The following SNTG1 variants were observed in gnomAD, a reference collection of about 807,000 sequenced individuals.
SNTG1 encodes the protein syntrophin gamma 1.
In SNTG1, 39 loss-of-function variants were observed where a neutral mutation model predicts 74.7. That is an observed-to-expected ratio of 0.52 (90% CI 0.40 to 0.68). SNTG1 has a LOEUF of 0.68. SNTG1 is among the 30% of genes least tolerant of loss of function. The probability of loss-of-function intolerance (pLI) is 0.00; values close to 1 mark genes in which losing one functional copy is unlikely to be tolerated. For synonymous variants in SNTG1, 254 were observed against 217.1 expected (o/e 1.17, Z -1.49); for missense variants, 685 against 609.5 (o/e 1.12, Z -1.30).
chr8:50,324,970 T>TATATATAGAC (rs2090683395), intron 2 of SNTG1, among the ~76,000 whole-genome samples: 1 of 121,160 alleles, frequency 8.3e-6, no homozygotes, highest in African/African-American at 2.8e-5. Flanking sequence ...TATATATATA[T>TATATATAGAC]AGACAGAGAG....
At chr8:50,452,730 C>A (rs1259354533) in intron 8 of SNTG1, among the ~76,000 whole-genome samples, 2 of 152,122 alleles carry the variant, frequency 1.3e-5, no homozygotes, top group Non-Finnish European at 2.9e-5. Flanking sequence ...CTTAACTCTA[C>A]CAGCTTTGAA....
intron 13 of SNTG1, among the ~76,000 whole-genome samples, chr8:50,607,477 A>G (rs1008222768): frequency 1.3e-5 from 2 of 151,512 alleles, no homozygotes; most frequent in African/African-American, 2.4e-5. Flanking sequence ...ATTTCATTTT[A>G]CTTATTTAAG....
At chr8:50,249,302 C>T (rs1261864781) in intron 2 of SNTG1, among the ~76,000 whole-genome samples, 2 of 152,314 alleles carry the variant, frequency 1.3e-5, no homozygotes, top group East Asian at 3.9e-4. Context: ...AGCTATGGCA[C>T]AGTCTTGGAC....
intron 4 of SNTG1, among the ~76,000 whole-genome samples, chr8:50,427,490 A>G (rs1312249902): frequency 1.3e-5 from 2 of 152,040 alleles, no homozygotes; most frequent in Non-Finnish European, 2.9e-5. Flanking sequence ...GTGCAGTGGC[A>G]TGATCATAGC....
Position 50,010,785 on chromosome 8 carries a change from CTTTTTTTTT to C in SNTG1, c.-103+98569_-103+98577del, listed in dbSNP as rs774350614. On this transcript the variant is annotated intron_variant, in intron 1 of 18. Transcript: ENST00000642720. The stretch of plus-strand genomic sequence containing the variant: ...GACATATCCAAGGACACAGGCCTCT[CTTTTTTTTT>C]TTTTTTTTTTTTTTGGTGAGGTGGA... Among the ~76,000 whole-genome samples the C allele has an allele frequency of 1.9e-4, 17 of 89,136 alleles. 1 individual carries two copies. The East Asian group carries it at 5.6e-3, about 29-fold the overall frequency. 58.5% of individuals were successfully genotyped at this position (89,136 alleles called of 152,430 possible).
At chr8:49,957,544 G>C (rs1460280656) in intron 1 of SNTG1, among the ~76,000 whole-genome samples, 1 of 152,320 alleles carries the variant, frequency 6.6e-6, no homozygotes, top group East Asian at 1.9e-4. Context: ...CAAGCAGGCA[G>C]AATGTTTGGG....
At chr8:50,540,243 T>TA (rs943586924) in intron 11 of SNTG1, among the ~76,000 whole-genome samples, 6 of 152,344 alleles carry the variant, frequency 3.9e-5, no homozygotes, top group African/African-American at 1.4e-4. Flanking sequence ...TAATGTTTTA[T>TA]TTTTTGTTAT....
Position 50,314,253 on chromosome 8 carries a change from G to GT in SNTG1, c.-27-79950dup, listed in dbSNP as rs200508591. ...TTTACTCCCTCATACTATATGTCTT[G>GT]TTTTTTTTTAATTCCCTGGCTCATT... is the stretch of plus-strand genomic sequence containing the variant. On this transcript the variant is annotated intron_variant, in intron 2 of 18. Transcript: ENST00000642720. 9.2e-3 allele frequency among the ~76,000 whole-genome samples: 1,348 copies of GT among 147,220 alleles called. 115 individuals carry two copies. Among genetic ancestry groups the GT allele is most frequent in the African/African-American group, 0.032 (1,261 of 39,274 alleles).
chr8:50,204,815 C>T (rs1383702177), intron 2 of SNTG1, among the ~76,000 whole-genome samples: 5 of 151,962 alleles, frequency 3.3e-5, no homozygotes, highest in Admixed American at 6.6e-5. Context: ...TGACAACATG[C>T]GGTGTTTGGT....
At chr8:50,348,191 G>A (rs1472847634) in intron 2 of SNTG1, among the ~76,000 whole-genome samples, 1 of 152,170 alleles carries the variant, frequency 6.6e-6, no homozygotes, top group Non-Finnish European at 1.5e-5. Flanking sequence ...ATTTCCAAAA[G>A]AAATAGCAAC....
intron 1 of SNTG1, among the ~76,000 whole-genome samples, chr8:49,984,740 T>TCAGCATGCTAAGTA (rs1327885985): frequency 8.5e-5 from 13 of 152,166 alleles, no homozygotes; most frequent in African/African-American, 3.1e-4. Flanking sequence ...AGGAAGAGAA[T>TCAGCATGCTAAGTA]CAGCATGCTA....
At chr8:50,068,648 C>A (rs1821098936) in intron 1 of SNTG1, among the ~76,000 whole-genome samples, 1 of 152,194 alleles carries the variant, frequency 6.6e-6, no homozygotes, top group Non-Finnish European at 1.5e-5. Context: ...TCTACCTCTT[C>A]TACACAAATG....
chr8:50,604,459 G>A lies in SNTG1; in HGVS notation c.849+13542G>A, dbSNP rs147417717. 5.0e-3 allele frequency among the ~76,000 whole-genome samples: 757 copies of A among 152,000 alleles called. 7 individuals carry two copies. Among genetic ancestry groups the A allele is most frequent in the African/African-American group, 0.017 (707 of 41,474 alleles). On this transcript the variant is annotated intron_variant, in intron 13 of 18. Coordinates refer to ENST00000642720, the MANE Select transcript of SNTG1 (RefSeq NM_018967.5). The stretch of plus-strand genomic sequence containing the variant: ...AAAAGAAAACCTTAGAAATATACCT[G>A]GTGTTCTATTCTGCATGGCTAAGAT...
intron 1 of SNTG1, among the ~76,000 whole-genome samples, chr8:50,007,861 G>C (rs1371186947): frequency 6.6e-6 from 1 of 152,134 alleles, no homozygotes; most frequent in African/African-American, 2.4e-5. Flanking sequence ...TGGCTAGAGA[G>C]ACCTCAGGAA....
At chr8:50,660,309 G>A (rs1167337283) in intron 15 of SNTG1, among the ~76,000 whole-genome samples, 1 of 142,330 alleles carries the variant, frequency 7.0e-6, no homozygotes, top group Non-Finnish European at 1.5e-5. Context: ...GAAAGAAAGA[G>A]AGACAGTAAG....
At chr8:50,517,833 T>C (rs949026425) in intron 9 of SNTG1, among the ~76,000 whole-genome samples, 1 of 152,110 alleles carries the variant, frequency 6.6e-6, no homozygotes, top group Non-Finnish European at 1.5e-5. Context: ...ACAAAGAGAC[T>C]TAGACTCCCA....
At chr8:50,210,861 T>TA (rs1262280281) in intron 2 of SNTG1, among the ~76,000 whole-genome samples, 1 of 152,164 alleles carries the variant, frequency 6.6e-6, no homozygotes, top group Non-Finnish European at 1.5e-5. Context: ...AATGACAGGT[T>TA]AAAAAATGTA....
chr8:50,617,192 T>A (rs75271803), intron 13 of SNTG1, among the ~76,000 whole-genome samples: 1 of 152,132 alleles, frequency 6.6e-6, no homozygotes, highest in Non-Finnish European at 1.5e-5. Context: ...TCCTTTATTG[T>A]TTACTTGACC....
intron 13 of SNTG1, among the ~76,000 whole-genome samples, chr8:50,620,154 G>C (rs56797501): frequency 0.043 from 6,550 of 152,158 alleles, 246 homozygotes; most frequent in African/African-American, 0.095. Flanking sequence ...TGTGGTTGAC[G>C]ATCTGAGGTC....
Sources: allele counts gnomAD v4.1 joint callset (sites outside exome capture counted in the v4.1 genomes callset), GRCh38; gene constraint gnomAD v4.1.1; transcripts MANE v1.5; gene names NCBI Gene and HGNC (gene_info 2026-07-23, HGNC 2026-07-21).